Variants in PPM1H observed in about 807,000 individuals in gnomAD.
PPM1H encodes protein phosphatase, Mg2+/Mn2+ dependent 1H.
Under a neutral mutation model 54.9 loss-of-function variants are expected in PPM1H, and 27 were observed. The observed-to-expected ratio is 0.49, with a 90% CI of 0.36 to 0.68. PPM1H has a LOEUF of 0.68. Ranked by LOEUF, PPM1H falls within the 30% of genes least tolerant of loss-of-function variation. The pLI is 0.00. For missense variants in PPM1H, 596 were observed against 667.8 expected (o/e 0.89, Z 1.19); for synonymous variants, 305 against 270.8 (o/e 1.13, Z -1.24).
chr12:62,680,277 T>G (rs985684036), intron 8 of PPM1H, among the ~76,000 whole-genome samples: 2 of 134,246 alleles, frequency 1.5e-5, no homozygotes, highest in African/African-American at 5.5e-5. Context: ...CTCCCCTCCC[T>G]CCCTTCCTTC....
intron 1 of PPM1H, among the ~76,000 whole-genome samples, chr12:62,868,595 C>G (rs2120995563): frequency 6.6e-6 from 1 of 152,288 alleles, no homozygotes; most frequent in Middle Eastern, 3.4e-3. Flanking sequence ...GAAATGAGCT[C>G]AAATTTTAAT....
At chr12:62,697,452 CA>C (rs1466226813) in intron 6 of PPM1H, among the ~76,000 whole-genome samples, 4 of 152,112 alleles carry the variant, frequency 2.6e-5, no homozygotes, top group Non-Finnish European at 4.4e-5. Context: ...TGAGTGACCA[CA>C]GAGTCAACCA....
chr12:62,724,025 C>T (rs1469047741), intron 5 of PPM1H, among the ~76,000 whole-genome samples: 1 of 152,122 alleles, frequency 6.6e-6, no homozygotes, highest in African/African-American at 2.4e-5. Flanking sequence ...TCCAGAGGGG[C>T]CCTGCACCAT....
At chr12:62,658,992 T>C (rs1015181136) in intron 9 of PPM1H, 4 of 720,518 alleles carry the variant, frequency 5.6e-6, no homozygotes, top group Admixed American at 1.7e-5. Context: ...ATGCCCAACA[T>C]TGGTTATGGG....
At chr12:62,652,738 A>G (rs1456777408) in intron 9 of PPM1H, among the ~76,000 whole-genome samples, 2 of 152,154 alleles carry the variant, frequency 1.3e-5, no homozygotes, top group Non-Finnish European at 2.9e-5. Context: ...TTCATTTTCC[A>G]TGTTACTGCC....
intron 4 of PPM1H, among the ~76,000 whole-genome samples, chr12:62,744,326 C>A (rs574189934): frequency 2.6e-4 from 40 of 152,004 alleles, no homozygotes; most frequent in Admixed American, 2.0e-3. Context: ...TAAAAATTAG[C>A]TGGGCGTGGT....
rs1267935208 is a variant in PPM1H, at chr12:62,804,286, G to T, written c.412-2126C>A. On this transcript the variant is annotated intron_variant, in intron 2 of 9. Coordinates refer to ENST00000228705, the MANE Select transcript of PPM1H (RefSeq NM_020700.2). The stretch of plus-strand genomic sequence containing the variant: ...GGAGAATCCCTTGAATCGAGGAGAA[G>T]GAGGCTGCAACAGGCCAAGATCTTG... Among the ~76,000 whole-genome samples the T allele has an allele frequency of 2.0e-5, 3 of 148,856 alleles. 1 individual carries two copies. Among genetic ancestry groups the T allele is most frequent in the Admixed American group, 1.3e-4 (2 of 14,910 alleles).
At chr12:62,667,422 C>A in intron 8 of PPM1H, 93 bp from the exon 9 acceptor site, 2 of 1,176,578 alleles carry the variant, frequency 1.7e-6, no homozygotes, top group Non-Finnish European at 2.3e-6. Flanking sequence ...CCTTTTCCTG[C>A]CCAGCCTAGT....
intron 1 of PPM1H, among the ~76,000 whole-genome samples, chr12:62,912,397 G>A (rs183633802): frequency 5.9e-5 from 9 of 152,188 alleles, no homozygotes; most frequent in Middle Eastern, 3.4e-3. Flanking sequence ...GGTTGGCTCC[G>A]TGTCTCTTCT....
intron 8 of PPM1H, among the ~76,000 whole-genome samples, chr12:62,675,335 AG>A (rs1204033441): frequency 3.3e-5 from 5 of 152,218 alleles, no homozygotes; most frequent in African/African-American, 1.2e-4. Flanking sequence ...TTAACACACA[AG>A]GCCTGGCACG....
intron 3 of PPM1H, among the ~76,000 whole-genome samples, chr12:62,799,508 T>C (rs1208316426): frequency 3.3e-5 from 5 of 152,206 alleles, no homozygotes; most frequent in Non-Finnish European, 1.5e-5. Context: ...ATTAAAAAAA[T>C]AAATTCAATA....
intron 1 of PPM1H, among the ~76,000 whole-genome samples, chr12:62,921,083 C>T (rs966920455): frequency 3.9e-5 from 6 of 152,032 alleles, no homozygotes; most frequent in African/African-American, 1.4e-4. Flanking sequence ...TGCTACCACA[C>T]CCAGCTAGTT....
chr12:62,918,233 A>G (rs1332329567), intron 1 of PPM1H, among the ~76,000 whole-genome samples: 1 of 152,112 alleles, frequency 6.6e-6, no homozygotes, highest in Non-Finnish European at 1.5e-5. Flanking sequence ...GTTATTGATC[A>G]TGGTGCCACC....
chr12:62,885,810 C>G (rs1870566970), intron 1 of PPM1H, among the ~76,000 whole-genome samples: 1 of 152,178 alleles, frequency 6.6e-6, no homozygotes, highest in Non-Finnish European at 1.5e-5. Flanking sequence ...TGAATTAACA[C>G]AATAATTTGC....
intron 1 of PPM1H, among the ~76,000 whole-genome samples, chr12:62,838,343 G>A (rs558941928): frequency 1.4e-5 from 2 of 145,386 alleles, no homozygotes; most frequent in African/African-American, 2.5e-5. Flanking sequence ...GTGTGTGGGG[G>A]GGGGGAGATG....
chr12:62,662,807 T>C (rs997747470), intron 9 of PPM1H, among the ~76,000 whole-genome samples: 3 of 152,322 alleles, frequency 2.0e-5, no homozygotes, highest in South Asian at 2.1e-4. Flanking sequence ...GTAAATATCT[T>C]AGAAACCCAA....
chr12:62,689,915 G>A, intron 7 of PPM1H, 109 bp from the exon 8 acceptor site: 2 of 684,868 alleles, frequency 2.9e-6, no homozygotes, highest in Non-Finnish European at 5.0e-6. Flanking sequence ...AGTTCCTCCT[G>A]CCCAGATATG....
At chr12:62,783,625 G>A (rs192977063) in intron 4 of PPM1H, among the ~76,000 whole-genome samples, 13 of 152,298 alleles carry the variant, frequency 8.5e-5, no homozygotes, top group Admixed American at 3.3e-4. Context: ...TATTTAACTC[G>A]TATTAACAGT....
chr12:62,711,105 C>G (rs2076204795), intron 6 of PPM1H, among the ~76,000 whole-genome samples: 1 of 152,170 alleles, frequency 6.6e-6, no homozygotes, highest in Admixed American at 6.5e-5. Flanking sequence ...GTTCTGCCCA[C>G]CTCAGGCTCC....
Sources: gnomAD v4.1 joint callset for allele counts (sites outside exome capture counted in the v4.1 genomes callset) on GRCh38, gnomAD v4.1.1 for gene constraint, MANE v1.5 for transcripts, NCBI Gene and HGNC (gene_info 2026-07-23, HGNC 2026-07-21) for gene names.